The following NAA15 variants were observed in gnomAD, a reference collection of about 807,000 sequenced individuals.
The protein encoded by NAA15 is N-terminal acetyltransferase.
NAA15 carries 34 observed loss-of-function variants against 114.0 expected under a neutral mutation model. That is an observed-to-expected ratio of 0.30 (90% CI 0.23 to 0.40). NAA15 has a LOEUF of 0.40. Ranked by LOEUF, NAA15 falls within the 10% of genes least tolerant of loss-of-function variation. NAA15 has a pLI of 1.00. For synonymous variants in NAA15, 340 were observed against 338.0 expected, an observed-to-expected ratio of 1.01 and a Z score of -0.06; for missense variants, 658 against 1,004.5, an observed-to-expected ratio of 0.66 and a Z score of 4.66.
chr4:139,385,842 C>T (rs568621244), intron 18 of NAA15, among the ~76,000 whole-genome samples: 6 of 152,154 alleles, frequency 3.9e-5, no homozygotes, highest in Non-Finnish European at 8.8e-5. Context: ...TATTAGAATG[C>T]TTGTGTTTCT....
intron 6 of NAA15, among the ~76,000 whole-genome samples, chr4:139,348,018 G>A (rs538940836): frequency 2.2e-5 from 3 of 139,498 alleles, no homozygotes; most frequent in African/African-American, 5.5e-5. Context: ...CGGCCTGGGC[G>A]ACAGAGCGAG....
At chr4:139,302,188 G>GT in intron 1 of NAA15, 1 of 254,326 alleles carries the variant, frequency 3.9e-6, no homozygotes, top group Middle Eastern at 1.1e-3. Flanking sequence ...CCCGGTTGGT[G>GT]TGGGAACCCT....
intron 1 of NAA15, among the ~76,000 whole-genome samples, chr4:139,309,030 A>G (rs920622639): frequency 1.3e-5 from 2 of 152,166 alleles, no homozygotes; most frequent in Non-Finnish European, 2.9e-5. Flanking sequence ...TTATTATAAA[A>G]ATTACAAAAT....
intron 17 of NAA15, among the ~76,000 whole-genome samples, chr4:139,383,352 C>T (rs186367120): frequency 6.6e-6 from 1 of 152,304 alleles, no homozygotes; most frequent in African/African-American, 2.4e-5. Flanking sequence ...GGCTTCAAAG[C>T]TCCAGACTCT....
intron 3 of NAA15, among the ~76,000 whole-genome samples, chr4:139,339,703 A>T (rs777899925): frequency 9.2e-5 from 14 of 152,094 alleles, no homozygotes; most frequent in Non-Finnish European, 1.6e-4. Context: ...GTGAGCTGAG[A>T]TCATGCCACT....
intron 1 of NAA15, among the ~76,000 whole-genome samples, chr4:139,307,702 T>TA: frequency 6.6e-6 from 1 of 152,328 alleles, no homozygotes; most frequent in Middle Eastern, 3.4e-3. Context: ...ATGCTTTATT[T>TA]AGAGTCCTTT....
At chr4:139,368,347 CG>C (rs1748342210) in intron 14 of NAA15, among the ~76,000 whole-genome samples, 1 of 152,100 alleles carries the variant, frequency 6.6e-6, no homozygotes, top group Non-Finnish European at 1.5e-5. Context: ...GAAGCTGAGG[CG>C]GGTGGTTGCT....
At chr4:139,387,169 G>T (rs898229739) in intron 19 of NAA15, among the ~76,000 whole-genome samples, 1 of 152,096 alleles carries the variant, frequency 6.6e-6, no homozygotes, top group African/African-American at 2.4e-5. Context: ...TTGTAACCTG[G>T]CAAAGTTTGT....
At chr4:139,376,609 C>A in intron 16 of NAA15, 136 bp downstream of exon 16, 1 of 654,110 alleles carries the variant, frequency 1.5e-6, no homozygotes, top group Non-Finnish European at 2.7e-6. Context: ...GAAATGCCTG[C>A]TATGAACAGA....
chr4:139,318,882 G>A (rs115627862), intron 1 of NAA15, among the ~76,000 whole-genome samples: 2,144 of 150,848 alleles, frequency 0.014, 26 homozygotes, highest in Admixed American at 0.022. Flanking sequence ...TTTCATATAA[G>A]TAACAGCTAA....
intron 6 of NAA15, among the ~76,000 whole-genome samples, chr4:139,348,201 C>A (rs1234508127): frequency 6.6e-6 from 1 of 152,082 alleles, no homozygotes; most frequent in African/African-American, 2.4e-5. Context: ...CGACTATAAT[C>A]CCAGCACTTT....
chr4:139,349,402 A>C, intron 6 of NAA15, 60 bp from the exon 7 acceptor site: 3 of 1,419,702 alleles, frequency 2.1e-6, no homozygotes, highest in Non-Finnish European at 2.8e-6. Flanking sequence ...GAAAAGTTAA[A>C]ATTCTAATTG....
At chr4:139,335,745 G>A (rs1478242804) in intron 2 of NAA15, among the ~76,000 whole-genome samples, 1 of 150,634 alleles carries the variant, frequency 6.6e-6, no homozygotes, top group Non-Finnish European at 1.5e-5. Flanking sequence ...CATATAAATT[G>A]TCATAATTTC....
intron 18 of NAA15, among the ~76,000 whole-genome samples, chr4:139,385,859 T>A (rs1329558309): frequency 6.6e-6 from 1 of 152,212 alleles, no homozygotes; most frequent in Non-Finnish European, 1.5e-5. Context: ...TTCTTCATAG[T>A]CTCCTTTACT....
At chr4:139,364,075 C>T (rs1748209532) in intron 14 of NAA15, among the ~76,000 whole-genome samples, 1 of 152,146 alleles carries the variant, frequency 6.6e-6, no homozygotes, top group Non-Finnish European at 1.5e-5. Flanking sequence ...ATGGTCTTGC[C>T]ATGTTGCCCA....
chr4:139,315,904 T>C (rs1414171696), intron 1 of NAA15, among the ~76,000 whole-genome samples: 1 of 151,808 alleles, frequency 6.6e-6, no homozygotes, highest in Non-Finnish European at 1.5e-5. Flanking sequence ...AGGTTTCTTC[T>C]ATTTGGTTTA....
At chr4:139,339,104 C>T (rs773958049) in intron 3 of NAA15, among the ~76,000 whole-genome samples, 108 of 152,144 alleles carry the variant, frequency 7.1e-4, no homozygotes, top group Non-Finnish European at 9.1e-4. Flanking sequence ...AGCCACTGTA[C>T]CTGGCCAGAT....
chr4:139,331,700 A>G (rs1358889885), intron 1 of NAA15, among the ~76,000 whole-genome samples: 1 of 151,168 alleles, frequency 6.6e-6, no homozygotes, highest in Non-Finnish European at 1.5e-5. Context: ...CTTGACCTTA[A>G]GTGATCCGCT....
At chr4:139,374,138 C>CAT (rs1396033028) in intron 15 of NAA15, among the ~76,000 whole-genome samples, 1 of 152,090 alleles carries the variant, frequency 6.6e-6, no homozygotes, top group African/African-American at 2.4e-5. Context: ...ATGCTAGAGA[C>CAT]ATATACTCCT....
Sources: gnomAD v4.1 joint callset for allele counts (sites outside exome capture counted in the v4.1 genomes callset) on GRCh38, gnomAD v4.1.1 for gene constraint, MANE v1.5 for transcripts, NCBI Gene and HGNC (gene_info 2026-07-23, HGNC 2026-07-21) for gene names.